The following FNBP1 variants were observed in gnomAD, a reference collection of about 807,000 sequenced individuals.
The protein encoded by FNBP1 is formin-binding protein 1.
In FNBP1, 26 loss-of-function variants were observed where a neutral mutation model predicts 90.6. The ratio of observed to expected loss-of-function variants is 0.29; its 90% CI spans 0.21 to 0.40. The LOEUF (loss-of-function observed/expected upper bound fraction) is 0.40. FNBP1 is among the 10% of genes least tolerant of loss of function. FNBP1 has a pLI of 1.00. For synonymous variants in FNBP1, 260 were observed against 265.2 expected, an observed-to-expected ratio of 0.98 and a Z score of 0.19; for missense variants, 635 against 768.0, an observed-to-expected ratio of 0.83 and a Z score of 2.05.
chr9:129,963,597 C>T (rs1356762976), intron 4 of FNBP1, among the ~76,000 whole-genome samples: 2 of 147,194 alleles, frequency 1.4e-5, no homozygotes, highest in Non-Finnish European at 3.0e-5. Flanking sequence ...GGGTGATGCC[C>T]ATCTTCCTTC....
intron 1 of FNBP1, among the ~76,000 whole-genome samples, chr9:130,037,551 A>T (rs920204178): frequency 6.6e-6 from 1 of 152,314 alleles, no homozygotes; most frequent in South Asian, 2.1e-4. Context: ...CACACTATAA[A>T]GTGTTCTTAT....
chr9:129,931,601 G>A (rs902392692), intron 6 of FNBP1, among the ~76,000 whole-genome samples: 8 of 150,650 alleles, frequency 5.3e-5, no homozygotes, highest in East Asian at 3.9e-4. Flanking sequence ...GCAAGACTCC[G>A]TCTCAAAAAA....
At chr9:130,029,154 CTCTTT>C (rs1384907627) in intron 1 of FNBP1, among the ~76,000 whole-genome samples, 2 of 152,002 alleles carry the variant, frequency 1.3e-5, no homozygotes, top group Non-Finnish European at 2.9e-5. Flanking sequence ...ATTGTTCTTT[CTCTTT>C]TCTTTTTTTT....
intron 6 of FNBP1, among the ~76,000 whole-genome samples, chr9:129,937,318 GAAAC>G (rs1016109680): frequency 1.4e-4 from 22 of 152,112 alleles, no homozygotes; most frequent in African/African-American, 4.1e-4. Flanking sequence ...AAAATAATTT[GAAAC>G]AAACAAATCA....
At chr9:129,918,614 G>C (rs1773766011) in intron 10 of FNBP1, among the ~76,000 whole-genome samples, 1 of 152,184 alleles carries the variant, frequency 6.6e-6, no homozygotes, top group Non-Finnish European at 1.5e-5. Context: ...TACTGTGCTA[G>C]GAGATCGCTC....
intron 6 of FNBP1, among the ~76,000 whole-genome samples, chr9:129,939,427 ATT>A (rs2044000628): frequency 6.6e-6 from 1 of 152,106 alleles, no homozygotes; most frequent in Non-Finnish European, 1.5e-5. Context: ...ATCACATGTT[ATT>A]CAGTAATATA....
At chr9:130,014,955 C>T (rs1589271003) in intron 1 of FNBP1, among the ~76,000 whole-genome samples, 1 of 151,250 alleles carries the variant, frequency 6.6e-6, no homozygotes, top group South Asian at 2.1e-4. Flanking sequence ...AAGACTTCAC[C>T]CTTGGGGGAA....
At chr9:129,914,094 G>C (rs2039836234) in intron 11 of FNBP1, among the ~76,000 whole-genome samples, 1 of 151,480 alleles carries the variant, frequency 6.6e-6, no homozygotes, top group Admixed American at 6.6e-5. Flanking sequence ...GGGCGCAAAT[G>C]ATCTGCCTGC....
intron 4 of FNBP1, among the ~76,000 whole-genome samples, chr9:129,968,188 A>G (rs2048907187): frequency 1.3e-5 from 2 of 152,138 alleles, no homozygotes; most frequent in South Asian, 2.1e-4. Flanking sequence ...TGAGGTCAGG[A>G]GTTTGAGACC....
Position 129,890,597 on chromosome 9 carries a change from C to T in FNBP1, c.1847-51G>A, listed in dbSNP as rs2035006317. ...AGAAACTCTCTGTTAGAGAGGAAGG[C>T]GCGGGTTCCAGGCGGGCATTTTGCT... On this transcript the variant is annotated intron_variant, in intron 16 of 16. Transcript: ENST00000446176. This position sits in a 1 kb window ranked among gnomAD's most constrained non-coding sequence, Gnocchi z 5.8. The T allele has an allele frequency of 6.5e-6, 9 of 1,391,066 alleles. No individual in the cohort carries two copies. The highest frequency in any genetic ancestry group is 3.5e-5 in the East Asian group (1 of 28,404). The allele number at this position is 1,391,066 out of a possible 1,614,324, so 86.2% of individuals were successfully genotyped here.
chr9:130,044,446 A>G (rs1341942064), upstream of FNBP1, among the ~76,000 whole-genome samples: 2 of 133,516 alleles, frequency 1.5e-5, no homozygotes, highest in African/African-American at 5.4e-5. Context: ...CAACATCGCA[A>G]GACCCTGTCT....
chr9:129,927,391 C>T (rs780707660), intron 7 of FNBP1, 50 bp from the exon 8 acceptor site: 328 of 1,582,956 alleles, frequency 2.1e-4, no homozygotes, highest in Non-Finnish European at 2.5e-4. Context: ...TATTATTAAA[C>T]AAAGTTGTTT....
At chr9:129,981,245 G>A (rs1229321774) in intron 2 of FNBP1, among the ~76,000 whole-genome samples, 7 of 151,852 alleles carry the variant, frequency 4.6e-5, no homozygotes, top group African/African-American at 1.2e-4. Flanking sequence ...ACACCACCAC[G>A]CCCAGATAAT....
rs2058838578 is a variant in FNBP1, at chr9:130,031,918, T to A, written c.24+11034A>T. On this transcript the variant is annotated intron_variant, in intron 1 of 16. Transcript: ENST00000446176. This position sits in a 1 kb window ranked among gnomAD's most constrained non-coding sequence, Gnocchi z 4.2. ...ACCTCATGATCTGCCCGACTCGGCC[T>A]TCCAAAGTGCTGGTATTACAGGAGT... Among the ~76,000 whole-genome samples the A allele has an allele frequency of 6.6e-6, 1 of 152,164 alleles. No individual in the cohort carries two copies. The highest frequency in any genetic ancestry group is 2.1e-4 in the South Asian group (1 of 4,834).
At chr9:130,037,505 G>A (rs982042601) in intron 1 of FNBP1, among the ~76,000 whole-genome samples, 2 of 152,052 alleles carry the variant, frequency 1.3e-5, no homozygotes, top group Non-Finnish European at 2.9e-5. Flanking sequence ...TAAAAAACTA[G>A]TTTAAAATTT....
At chr9:130,039,676 C>CA (rs34484229) in intron 1 of FNBP1, among the ~76,000 whole-genome samples, 37 of 116,630 alleles carry the variant, frequency 3.2e-4, no homozygotes, top group Admixed American at 7.8e-4. Context: ...AGCTTTGTCT[C>CA]AAAAAAAAAA....
chr9:129,956,237 T>C (rs1398489650), intron 6 of FNBP1, among the ~76,000 whole-genome samples: 2 of 152,188 alleles, frequency 1.3e-5, no homozygotes, highest in Non-Finnish European at 2.9e-5. Context: ...ACCTAGTCTT[T>C]AAGCAAGGAA....
At chr9:129,896,056 A>C (rs958747105) in intron 15 of FNBP1, 60 bp from the exon 16 acceptor site, 2 of 1,508,424 alleles carry the variant, frequency 1.3e-6, no homozygotes, top group African/African-American at 2.8e-5. Context: ...GGAAGCAAAC[A>C]GTGGCCTTCG....
chr9:129,932,960 T>A (rs1322735207), intron 6 of FNBP1, among the ~76,000 whole-genome samples: 1 of 152,136 alleles, frequency 6.6e-6, no homozygotes, highest in Non-Finnish European at 1.5e-5. Context: ...CATTTCGCTA[T>A]GAATGTTTAA....
Sources: gnomAD v4.1 joint callset for allele counts (sites outside exome capture counted in the v4.1 genomes callset) on GRCh38, gnomAD v4.1.1 for gene constraint, Gnocchi (gnomAD v3.1) non-coding constraint, MANE v1.5 for transcripts, NCBI Gene and HGNC (gene_info 2026-07-23, HGNC 2026-07-21) for gene names.